BLK: variants seen among roughly 807,000 people sequenced by gnomAD.
The protein encoded by BLK is BLK proto-oncogene, Src family tyrosine kinase, also known as tyrosine-protein kinase Blk.
Under a neutral mutation model 61.8 loss-of-function variants are expected in BLK, and 64 were observed. The observed-to-expected ratio is 1.03, with a 90% CI of 0.85 to 1.27. BLK has a LOEUF of 1.27. Ranked by LOEUF, BLK falls within the 50% of genes most tolerant of loss-of-function variation. The pLI, the probability that BLK is intolerant of heterozygous loss-of-function variation, is 0.00. For missense variants in BLK, 853 were observed against 660.5 expected (o/e 1.29, Z -3.19); for synonymous variants, 351 against 272.0 (o/e 1.29, Z -2.86).
At chr8:11,514,336 G>C (rs1031772067) in intron 1 of BLK, among the ~76,000 whole-genome samples, 3 of 152,234 alleles carry the variant, frequency 2.0e-5, no homozygotes, top group Non-Finnish European at 4.4e-5. Flanking sequence ...CTTTGCGAGA[G>C]AGAGGCAATG....
intron 1 of BLK, among the ~76,000 whole-genome samples, chr8:11,503,759 C>T (rs1798654681): frequency 6.6e-6 from 1 of 152,152 alleles, no homozygotes; most frequent in Admixed American, 6.5e-5. Context: ...TCACTCTGTC[C>T]TCTTTCTTGC....
intron 1 of BLK, among the ~76,000 whole-genome samples, chr8:11,538,692 G>A (rs1263059583): frequency 1.3e-5 from 2 of 152,320 alleles, no homozygotes; most frequent in African/African-American, 4.8e-5. Context: ...AGATGCGGAA[G>A]TATGAGTCCA....
At chr8:11,535,278 AAGAAAG>A (rs1194979228) in intron 1 of BLK, among the ~76,000 whole-genome samples, 1 of 138,338 alleles carries the variant, frequency 7.2e-6, no homozygotes, top group African/African-American at 2.6e-5. Context: ...GAAAGAAAGA[AAGAAAG>A]AAAGAAAGAA....
intron 1 of BLK, among the ~76,000 whole-genome samples, chr8:11,510,319 G>C (rs1217736290): frequency 2.0e-5 from 3 of 152,150 alleles, no homozygotes; most frequent in Non-Finnish European, 4.4e-5. Context: ...TTGCTGGCCA[G>C]GGTTACTGGT....
intron 6 of BLK, chr8:11,553,670 G>A: frequency 5.8e-6 from 1 of 171,688 alleles, no homozygotes; most frequent in Non-Finnish European, 1.3e-5. Context: ...CTGCACCCGG[G>A]CAGGGTCGGG....
chr8:11,520,858 C>G (rs552141626), intron 1 of BLK, among the ~76,000 whole-genome samples: 1 of 152,106 alleles, frequency 6.6e-6, no homozygotes, highest in African/African-American at 2.4e-5. Context: ...AAATCAATAG[C>G]TTTCTTTTTT....
chr8:11,545,490 A>C (rs531652437), intron 2 of BLK, among the ~76,000 whole-genome samples: 1 of 152,306 alleles, frequency 6.6e-6, no homozygotes, highest in South Asian at 2.1e-4. Flanking sequence ...CGGAGGTTGC[A>C]GTGATCCGAG....
chr8:11,510,013 T>C (rs1243040284), intron 1 of BLK: 1 of 152,236 alleles, frequency 6.6e-6, no homozygotes, highest in Non-Finnish European at 1.5e-5. Context: ...TGCATAATAT[T>C]TCACTGTGTG....
At chr8:11,543,550 T>C (rs1800486646) in intron 2 of BLK, among the ~76,000 whole-genome samples, 1 of 152,168 alleles carries the variant, frequency 6.6e-6, no homozygotes, top group Admixed American at 6.5e-5. Context: ...CAGAGCTCAT[T>C]TCTCGAGGGC....
intron 4 of BLK, among the ~76,000 whole-genome samples, chr8:11,548,383 CCTCCTGA>C (rs1800742566): frequency 6.6e-6 from 1 of 152,208 alleles, no homozygotes; most frequent in African/African-American, 2.4e-5. Context: ...TCCATGCAGC[CCTCCTGA>C]CTCTTTTGGG....
At chr8:11,558,647 G>A (rs913718075) in intron 10 of BLK, 7 of 455,992 alleles carry the variant, frequency 1.5e-5, no homozygotes, top group Admixed American at 7.0e-5. Context: ...TGTCCCTCAC[G>A]TTCACATGCA....
chr8:11,556,624 C>T, intron 8 of BLK, 34 bp from the exon 9 acceptor site: 2 of 1,613,864 alleles, frequency 1.2e-6, no homozygotes, highest in Non-Finnish European at 8.5e-7. Flanking sequence ...AGCTCTCTGT[C>T]TTCTGATTGG....
chr8:11,536,000 G>A (rs570511450), intron 1 of BLK, among the ~76,000 whole-genome samples: 2 of 152,336 alleles, frequency 1.3e-5, no homozygotes, highest in Admixed American at 6.5e-5. Context: ...AACCTAAGAC[G>A]TTGAGTTATA....
chr8:11,555,357 G>A lies in BLK; in HGVS notation c.645G>A (p.Arg215=). Residue 215 remains arginine, a synonymous_variant, in exon 8 of 13, where the codon AGG becomes AGA. Coordinates refer to ENST00000259089, the MANE Select transcript of BLK (RefSeq NM_001715.3). The stretch of plus-strand genomic sequence containing the variant: ...AGAAGGGGGATGGTCTATGCCAGAG[G>A]CTGACCCTGCCCTGTGTGCGCCCGG... The part of the protein sequence containing the change: ...YSKKGDGLCQ[R]LTLPCVRPAP... 1 of 1,614,110 alleles carries A rather than the reference G, an allele frequency of 6.2e-7. No individual in the cohort carries two copies. Among genetic ancestry groups the A allele is most frequent in the South Asian group, 1.1e-5 (1 of 91,080 alleles).
At chr8:11,521,802 C>T (rs1799462868) in intron 1 of BLK, among the ~76,000 whole-genome samples, 1 of 152,200 alleles carries the variant, frequency 6.6e-6, no homozygotes, top group Non-Finnish European at 1.5e-5. Context: ...CTCCCTGGTC[C>T]GTTCCATCTT....
At position 11,526,681 on chromosome 8, in the gene BLK, T is replaced by G. The variant is rs182471253; in HGVS notation, c.-1-16543T>G. 3.3e-5 allele frequency among the ~76,000 whole-genome samples: 5 copies of G among 152,356 alleles called. No homozygotes were observed. In the East Asian group the frequency reaches 7.7e-4, roughly 24 times the overall value. On this transcript the variant is annotated intron_variant, in intron 1 of 12. Transcript: ENST00000259089. ...TTGCAGTGAGCTGAGACTGTGCCAG[T>G]GCACTCCAGCCTGGGGGACAGAGCA...
intron 10 of BLK, chr8:11,558,869 C>T (rs913961700): frequency 1.8e-5 from 8 of 455,990 alleles, no homozygotes; most frequent in Admixed American, 1.2e-4. Context: ...TCCCACCCAC[C>T]GCCCACATCA....
At chr8:11,502,054 G>C (rs1326435879) in intron 1 of BLK, among the ~76,000 whole-genome samples, 4 of 152,172 alleles carry the variant, frequency 2.6e-5, no homozygotes, top group African/African-American at 9.7e-5. Context: ...TTGCTAACAT[G>C]ACTTGCGTGA....
At position 11,557,915 on chromosome 8, in the gene BLK, G is replaced by A. The variant is rs529958932; in HGVS notation, c.953-47G>A. The stretch of plus-strand genomic sequence containing the variant: ...ACCAGAGAGAGGCTGGCACCACCAG[G>A]GGCGGGTCACTTTGCAGAAGGGCAC... On this transcript the variant is annotated intron_variant, in intron 9 of 12. Transcript: ENST00000259089. 1.2e-5 allele frequency: 19 copies of A among 1,579,888 alleles called. No homozygotes were observed. The African/African-American group carries it at 1.5e-4, about 12-fold the overall frequency.
Sources: allele counts gnomAD v4.1 joint callset (sites outside exome capture counted in the v4.1 genomes callset), GRCh38; gene constraint gnomAD v4.1.1; transcripts MANE v1.5; gene names NCBI Gene and HGNC (gene_info 2026-07-23, HGNC 2026-07-21).